RPE65: variants seen among roughly 807,000 people sequenced by gnomAD.
RPE65 encodes retinoid isomerohydrolase RPE65.
A neutral mutation model predicts 68.5 loss-of-function variants in RPE65; 58 were observed. That is an observed-to-expected ratio of 0.85 (90% CI 0.69 to 1.05). RPE65 has a LOEUF of 1.05. RPE65 is among the 50% of genes least tolerant of loss of function. The probability of loss-of-function intolerance (pLI) is 0.00; values close to 1 mark genes in which losing one functional copy is unlikely to be tolerated. For synonymous variants in RPE65, 220 were observed against 222.2 expected, an observed-to-expected ratio of 0.99 and a Z score of 0.09; for missense variants, 643 against 629.9, an observed-to-expected ratio of 1.02 and a Z score of -0.22.
At chr1:68,440,246 T>G (rs1372822287) in intron 6 of RPE65, among the ~76,000 whole-genome samples, 1 of 152,198 alleles carries the variant, frequency 6.6e-6, no homozygotes, top group African/African-American at 2.4e-5. Context: ...GACTACACTT[T>G]GAGAACTGTA....
rs891442680 is a variant in RPE65 at position 68,448,533 on chromosome 1, G to A, written c.94+91C>T. 1.1e-5 allele frequency: 13 copies of A among 1,165,978 alleles called. No individual in the cohort carries two copies. The African/African-American group carries it at 2.0e-4, about 18-fold the overall frequency. The allele number at this position is 1,165,978 out of a possible 1,614,324, so 72.2% of individuals were successfully genotyped here. A position where few individuals can be genotyped will look rare whatever the true frequency, so the allele number is the denominator to read the frequency against. The stretch of plus-strand genomic sequence containing the variant: ...GATCCCTCTCCCTGTGACCCACAGG[G>A]GGAGTCTGCACTGAGAGACGCCAAG... On this transcript the variant is annotated intron_variant, in intron 2 of 13. Transcript: ENST00000262340.
intron 12 of RPE65, 34 bp downstream of exon 12, chr1:68,431,247 GC>G: frequency 6.2e-7 from 1 of 1,608,956 alleles, no homozygotes; most frequent in South Asian, 1.1e-5. Context: ...TATACTCAAA[GC>G]ACTGTTCAAA....
chr1:68,431,512 A>T lies in RPE65; in HGVS notation c.1202T>A (p.Ile401Asn). Residue 401 changes from isoleucine (I) to asparagine (N), a missense_variant, in exon 11 of 14, where the codon ATC (isoleucine) becomes AAC (asparagine). Physicochemically the swap from Ile to Asn is moderately radical, Grantham distance 149. Coordinates refer to ENST00000262340, the MANE Select transcript of RPE65 (RefSeq NM_000329.3). ...ATAILCSDET[I>N]WLEPEVLFSG... is the part of the protein sequence containing the mutation. ...AAAGAGAACTTCAGGCTCCAGCCAG[A>T]TAGTCTCGTCACTGCACAGAATTGC... 1 of 1,614,006 alleles carries T rather than the reference A, an allele frequency of 6.2e-7. No individual in the cohort carries two copies. Among genetic ancestry groups the T allele is most frequent in the Non-Finnish European group, 8.5e-7 (1 of 1,179,920 alleles).
Position 68,431,145 on chromosome 1 carries a change from G to A in RPE65, c.1370C>T (p.Thr457Ile). 1 of 1,613,780 alleles carries A rather than the reference G, an allele frequency of 6.2e-7. No individual in the cohort carries two copies. ...LCKLNVKTKE[T>I]WVWQEPDSYP... The stretch of plus-strand genomic sequence containing the variant: ...TGAATCAGGCTCTTGCCAAACCCAA[G>A]TTTCTTTAGTTTTGACATTCAGCTT... Residue 457 changes from threonine (T) to isoleucine (I), a missense_variant, in exon 13 of 14, where the codon ACT (threonine) becomes ATT (isoleucine). By Grantham distance (89) the Thr-to-Ile change is moderately conservative. Coordinates refer to ENST00000262340, the MANE Select transcript of RPE65 (RefSeq NM_000329.3).
intron 6 of RPE65, among the ~76,000 whole-genome samples, chr1:68,440,461 C>T (rs929785291): frequency 6.6e-6 from 1 of 152,122 alleles, no homozygotes; most frequent in Admixed American, 6.5e-5. Context: ...TTAGTACACT[C>T]TCATATATGT....
chr1:68,444,151 A>G (rs896654667), intron 5 of RPE65, among the ~76,000 whole-genome samples: 2 of 152,166 alleles, frequency 1.3e-5, no homozygotes, highest in African/African-American at 2.4e-5. Context: ...TATGGAAAGC[A>G]CTTGATAAGT....
rs1320156204 is a variant in RPE65 at position 68,429,336 on chromosome 1, G to A, written c.*440C>T. On this transcript the variant is annotated 3_prime_UTR_variant, in exon 14 of 14. Transcript: ENST00000262340. ...GAGAAAAAGTTTGGTTTGACATTTAGTAATTAAGCCTTATTGCATGATACT... is the reference window on the plus strand; with the variant it reads ...GAGAAAAAGTTTGGTTTGACATTTAATAATTAAGCCTTATTGCATGATACT... The A allele has an allele frequency of 2.4e-5, 4 of 166,370 alleles. No homozygotes were observed. Among genetic ancestry groups the A allele is most frequent in the Admixed American group, 5.9e-5 (1 of 16,956 alleles). 10.3% of individuals were successfully genotyped at this position (166,370 alleles called of 1,614,324 possible).
chr1:68,440,326 C>T (rs1645893306), intron 6 of RPE65, among the ~76,000 whole-genome samples: 2 of 152,104 alleles, frequency 1.3e-5, no homozygotes, highest in Non-Finnish European at 2.9e-5. Context: ...AACAATGAAC[C>T]TGGCAATAAA....
chr1:68,448,840 C>CCTG, intron 1 of RPE65, 134 bp from the exon 2 acceptor site: 1 of 36,032 alleles, frequency 2.8e-5, no homozygotes, highest in Non-Finnish European at 5.6e-5. Context: ...CTAGTCTCAG[C>CCTG]TGGGTGGGGG....
At chr1:68,439,146 A>G (rs1488329733) in intron 8 of RPE65, 45 bp downstream of exon 8, 2 of 1,613,918 alleles carry the variant, frequency 1.2e-6, no homozygotes, top group African/African-American at 2.7e-5. Flanking sequence ...TATTAAACAC[A>G]TCTTCTTCAG....
intron 3 of RPE65, among the ~76,000 whole-genome samples, chr1:68,445,475 G>A (rs1442210133): frequency 6.6e-6 from 1 of 152,010 alleles, no homozygotes. Context: ...TTCTGATATG[G>A]AGAGCCAGTT....
In RPE65 at chr1:68,440,952, G is replaced by C; in HGVS notation, c.544C>G (p.His182Asp). Residue 182 changes from histidine to aspartate, a missense_variant, in exon 6 of 14, where the codon CAC (histidine) becomes GAC (aspartate). Physicochemically the swap from His to Asp is moderately conservative, Grantham distance 81. Transcript: ENST00000262340. ...VSVNGATAHP[H>D]IENDGTVYNI... The stretch of plus-strand genomic sequence containing the variant: ...TAAACGGTTCCATCATTTTCAATGT[G>C]GGGGTGAGCAGTGGCCCCATTGACA... The C allele has an allele frequency of 6.2e-7, 1 of 1,613,974 alleles. No homozygotes were observed. Among genetic ancestry groups the C allele is most frequent in the Non-Finnish European group, 8.5e-7 (1 of 1,179,926 alleles).
chr1:68,431,007 A>T, intron 13 of RPE65, 58 bp downstream of exon 13: 2 of 1,363,234 alleles, frequency 1.5e-6, no homozygotes, highest in Non-Finnish European at 2.1e-6. Context: ...TTCCTAACGA[A>T]CTAACATACA....
At chr1:68,448,495 G>T (rs1172446445) in intron 2 of RPE65, 129 bp downstream of exon 2, 1 of 814,974 alleles carries the variant, frequency 1.2e-6, no homozygotes, top group Admixed American at 2.1e-5. Context: ...GCTATAAAAA[G>T]CCCAAACCAC....
intron 5 of RPE65, among the ~76,000 whole-genome samples, chr1:68,442,427 T>C (rs932361766): frequency 6.6e-5 from 10 of 152,304 alleles, no homozygotes; most frequent in African/African-American, 2.4e-4. Context: ...GGAGGCGAAA[T>C]AAGAGTGGGC....
chr1:68,430,921 T>G (rs1645821063), intron 13 of RPE65, 144 bp downstream of exon 13: 1 of 691,824 alleles, frequency 1.4e-6, no homozygotes, highest in African/African-American at 1.8e-5. Context: ...TCAAATAGTT[T>G]TAATTCTTCA....
chr1:68,433,398 GA>G (rs1033046871), intron 10 of RPE65, among the ~76,000 whole-genome samples: 12 of 152,110 alleles, frequency 7.9e-5, no homozygotes, highest in Non-Finnish European at 1.6e-4. Context: ...TGATTTCCCT[GA>G]GAATGTGAAG....
chr1:68,446,699 T>C lies in RPE65; in HGVS notation c.245+11A>G. 6.2e-7 allele frequency: 1 copy of C among 1,613,926 alleles called. No homozygotes were observed. The highest frequency in any genetic ancestry group is 8.5e-7 in the Non-Finnish European group (1 of 1,179,980). ...TTTGAGGAGGAGGAGTGGCATGGAG[T>C]GCTGCTTTACCTTCTGTGGTATGTG... On this transcript the variant is annotated intron_variant, in intron 3 of 13. Coordinates refer to ENST00000262340, the MANE Select transcript of RPE65 (RefSeq NM_000329.3).
intron 6 of RPE65, among the ~76,000 whole-genome samples, chr1:68,439,977 C>G (rs1645888418): frequency 6.6e-6 from 1 of 152,142 alleles, no homozygotes; most frequent in Non-Finnish European, 1.5e-5. Context: ...ATGCCTTTTG[C>G]AACATCTTAA....
Sources: gnomAD v4.1 joint callset for allele counts (sites outside exome capture counted in the v4.1 genomes callset) on GRCh38, gnomAD v4.1.1 for gene constraint, MANE v1.5 for transcripts, NCBI Gene and HGNC (gene_info 2026-07-23, HGNC 2026-07-21) for gene names.